RNF213: variants seen among roughly 807,000 people sequenced by gnomAD.
The protein encoded by RNF213 is E3 ubiquitin-protein ligase RNF213.
In RNF213, 341 loss-of-function variants were observed where a neutral mutation model predicts 514.4. That is an observed-to-expected ratio of 0.66 (90% CI 0.61 to 0.73). The LOEUF (loss-of-function observed/expected upper bound fraction) is 0.73, where lower values mean the gene tolerates loss of function less well. Among genes scored for constraint, RNF213 ranks in the 30% least tolerant of loss-of-function variants. The pLI is 0.00. For missense variants in RNF213, 5,767 were observed against 6,615.6 expected (o/e 0.87, Z 4.45); for synonymous variants, 2,655 against 2,658.2 (o/e 1.00, Z 0.04).
chr17:80,285,718 T>A (rs556446238), intron 3 of RNF213, among the ~76,000 whole-genome samples: 1 of 151,424 alleles, frequency 6.6e-6, no homozygotes. Flanking sequence ...TTGCTCAGGC[T>A]GGAGTGCAGT....
intron 62 of RNF213, 63 bp downstream of exon 62, chr17:80,386,493 G>A: frequency 6.4e-7 from 1 of 1,562,410 alleles, no homozygotes; most frequent in Non-Finnish European, 8.8e-7. Context: ...GCCCAGTGGG[G>A]CAGACACAAG....
At position 80,278,924 on chromosome 17, in the gene RNF213, A is replaced by G. The variant is rs1354116129; in HGVS notation, c.261+5520A>G. The G allele has an allele frequency of 3.9e-6, 6 of 1,536,866 alleles. No homozygotes were observed. The African/African-American group carries it at 6.8e-5, about 18-fold the overall frequency. ...GACTGTGAGCAGGTAGTCCGAGTCAATAGTTTGGGCAGAATGCTCCCTGCC... is the reference window on the plus strand; with the variant it reads ...GACTGTGAGCAGGTAGTCCGAGTCAGTAGTTTGGGCAGAATGCTCCCTGCC... On this transcript the variant is annotated intron_variant, in intron 3 of 67. Coordinates refer to ENST00000582970, the MANE Select transcript of RNF213 (RefSeq NM_001256071.3).
Position 80,263,837 on chromosome 17 carries a change from C to T in RNF213, c.97+59C>T, listed in dbSNP as rs1031728042. 7 of 1,433,330 alleles carry T rather than the reference C, an allele frequency of 4.9e-6. No individual in the cohort carries two copies. The Middle Eastern group carries it at 8.7e-4, about 178-fold the overall frequency. The allele number at this position is 1,433,330 out of a possible 1,614,324, so 88.8% of individuals were successfully genotyped here. On this transcript the variant is annotated intron_variant, in intron 2 of 67. Coordinates refer to ENST00000582970, the MANE Select transcript of RNF213 (RefSeq NM_001256071.3). The surrounding 1 kb of genome is among the most constrained non-coding windows in gnomAD (Gnocchi z 4.9). ...AGTGGGGACCCCTGGAGATGTCTCA[C>T]CTCCCTTCCAGGAAATGGAAACCCT...
chr17:80,355,672 A>T lies in RNF213; in HGVS notation c.10862+1096A>T, dbSNP rs1357971011. On this transcript the variant is annotated intron_variant, in intron 36 of 67. Transcript: ENST00000582970. The stretch of plus-strand genomic sequence containing the variant: ...GGGGTGGACGGGAATGGGGGCTTAC[A>T]GGGGGAAGAAGCGGGGTGACCGGGA... Among the ~76,000 whole-genome samples, 37 of 7,160 alleles carry T rather than the reference A, an allele frequency of 5.2e-3. 5 individuals are homozygous for T. The highest frequency in any genetic ancestry group is 9.7e-3 in the African/African-American group (14 of 1,442). 4.7% of individuals were successfully genotyped at this position (7,160 alleles called of 152,430 possible).
At position 80,363,428 on chromosome 17, in the gene RNF213, A is replaced by G. The variant is rs185535624; in HGVS notation, c.11568+114A>G. The G allele has an allele frequency of 1.5e-4, 190 of 1,235,520 alleles. No individual in the cohort carries two copies. In the East Asian group the frequency reaches 4.3e-3, roughly 28 times the overall value. The allele number at this position is 1,235,520 out of a possible 1,614,324, so 76.5% of individuals were successfully genotyped here. ...AGTGGGAGATTTCTTCACAAGGCACATACCTTAGCTGAATTCAGAGATGTT... is the reference window on the plus strand; with the variant it reads ...AGTGGGAGATTTCTTCACAAGGCACGTACCTTAGCTGAATTCAGAGATGTT... On this transcript the variant is annotated intron_variant, in intron 40 of 67. Transcript: ENST00000582970.
intron 63 of RNF213, 64 bp downstream of exon 63, chr17:80,386,955 T>C: frequency 6.7e-7 from 1 of 1,488,614 alleles, no homozygotes; most frequent in Non-Finnish European, 9.2e-7. Flanking sequence ...CAGCCCTTGG[T>C]GTGTTTCTCG....
intron 26 of RNF213, 36 bp downstream of exon 26, chr17:80,340,392 C>A: frequency 6.4e-7 from 1 of 1,552,920 alleles, no homozygotes; most frequent in African/African-American, 1.4e-5. Flanking sequence ...GCCCCGTCTC[C>A]CAGGGACTGC....
chr17:80,262,534 G>A (rs1274124692), intron 1 of RNF213, among the ~76,000 whole-genome samples: 2 of 152,152 alleles, frequency 1.3e-5, no homozygotes, highest in South Asian at 2.1e-4. Context: ...CCCTGGGACC[G>A]TTCCTAGATC....
In RNF213 at chr17:80,347,776, C is replaced by T. The variant is rs769727870; in HGVS notation, c.9441C>T (p.Arg3147=). Residue 3147 remains arginine (R), a synonymous_variant, in exon 29 of 68, where the codon CGC becomes CGT. Transcript: ENST00000582970. This position sits in a 1 kb window ranked among gnomAD's most constrained non-coding sequence, Gnocchi z 7.2. Reference sequence around the variant, plus strand: ...AATGTCGGGTTCACCCCAACTTCCGCCTGATTGTCATTGAAGAGAAAGACG... The same window carrying T: ...AATGTCGGGTTCACCCCAACTTCCGTCTGATTGTCATTGAAGAGAAAGACG... The part of the protein sequence containing the change: ...RVKCRVHPNF[R]LIVIEEKDVV... 6 of 1,614,076 alleles carry T rather than the reference C, an allele frequency of 3.7e-6. No homozygotes were observed. The highest frequency in any genetic ancestry group is 5.1e-6 in the Non-Finnish European group (6 of 1,180,062).
intron 54 of RNF213, among the ~76,000 whole-genome samples, chr17:80,379,114 C>G (rs1360722974): frequency 1.3e-5 from 2 of 151,516 alleles, no homozygotes; most frequent in African/African-American, 4.8e-5. Flanking sequence ...ATTGCTTGAG[C>G]CTGGGGAGGT....
rs1030259701 is a variant in RNF213, at chr17:80,309,255, G to A, written c.2655+84G>A. On this transcript the variant is annotated intron_variant, in intron 14 of 67. Transcript: ENST00000582970. ...CCTCAATTTGGAAAGGAAACAGACT[G>A]ATTCCCGGGTGCTGGGATGAGATGG... 9.8e-6 allele frequency: 15 copies of A among 1,531,574 alleles called. No individual in the cohort carries two copies. In the African/African-American group the frequency reaches 1.9e-4, roughly 20 times the overall value. The allele number at this position is 1,531,574 out of a possible 1,614,324, so 94.9% of individuals were successfully genotyped here.
At chr17:80,329,486 C>T (rs1460724689) in intron 20 of RNF213, among the ~76,000 whole-genome samples, 1 of 152,184 alleles carries the variant, frequency 6.6e-6, no homozygotes, top group Non-Finnish European at 1.5e-5. Context: ...CTCTTGAGCT[C>T]TTTCTGTTAC....
chr17:80,366,290 ACT>A (rs1402699540), intron 42 of RNF213, among the ~76,000 whole-genome samples: 13 of 152,142 alleles, frequency 8.5e-5, no homozygotes, highest in Admixed American at 2.6e-4. Flanking sequence ...TCATTTGATA[ACT>A]CTGTTTAACT....
chr17:80,318,836 G>A (rs1326058858), intron 16 of RNF213, among the ~76,000 whole-genome samples: 1 of 152,172 alleles, frequency 6.6e-6, no homozygotes, highest in African/African-American at 2.4e-5. Flanking sequence ...GCCTCCCAAA[G>A]TGCTGGGATG....
At chr17:80,386,655 G>T in intron 62 of RNF213, 35 bp from the exon 63 acceptor site, 2 of 1,609,584 alleles carry the variant, frequency 1.2e-6, no homozygotes, top group Non-Finnish European at 8.5e-7. Flanking sequence ...CGCATGCCTG[G>T]CCTGGACGCT....
intron 55 of RNF213, 108 bp downstream of exon 55, chr17:80,379,822 ACATGTGGGC>A (rs2079914149): frequency 2.2e-6 from 2 of 889,998 alleles, no homozygotes; most frequent in Non-Finnish European, 3.7e-6. Flanking sequence ...TTACTCCAGT[ACATGTGGGC>A]CTGTGTCATA....
chr17:80,289,913 A>C, intron 6 of RNF213, 76 bp downstream of exon 6: 12 of 1,454,612 alleles, frequency 8.2e-6, no homozygotes, highest in African/African-American at 1.4e-5. Context: ...CACAACTCTC[A>C]GGGGATATCC....
At chr17:80,302,049 A>C (rs944273625) in intron 11 of RNF213, among the ~76,000 whole-genome samples, 4 of 152,254 alleles carry the variant, frequency 2.6e-5, no homozygotes, top group Non-Finnish European at 4.4e-5. Context: ...GAAATACTGC[A>C]TATTCCCACT....
chr17:80,334,616 G>GT (rs57381377), intron 22 of RNF213, among the ~76,000 whole-genome samples: 80 of 147,788 alleles, frequency 5.4e-4, no homozygotes, highest in Middle Eastern at 3.5e-3. Flanking sequence ...CCACAGAGAG[G>GT]TTTTTTTTTT....
Sources: gnomAD v4.1 joint callset for allele counts (sites outside exome capture counted in the v4.1 genomes callset) on GRCh38, gnomAD v4.1.1 for gene constraint, Gnocchi (gnomAD v3.1) non-coding constraint, MANE v1.5 for transcripts, NCBI Gene and HGNC (gene_info 2026-07-23, HGNC 2026-07-21) for gene names.